Variants in DLC1 observed in about 807,000 individuals in gnomAD.
The protein encoded by DLC1 is DLC1 Rho GTPase activating protein.
In DLC1, 54 loss-of-function variants were observed where a neutral mutation model predicts 140.3. The observed-to-expected ratio is 0.38, with a 90% confidence interval of 0.31 to 0.48. The LOEUF (loss-of-function observed/expected upper bound fraction) is 0.48. Ranked by LOEUF, DLC1 falls within the 20% of genes least tolerant of loss-of-function variation. The pLI is 0.96. For synonymous variants in DLC1, 986 were observed against 728.1 expected, an observed-to-expected ratio of 1.35 and a Z score of -5.70; for missense variants, 2,536 against 1,907.0, an observed-to-expected ratio of 1.33 and a Z score of -6.14.
chr8:13,580,502 TAGC>T (rs563868877), intron 1 of DLC1, among the ~76,000 whole-genome samples: 327 of 152,104 alleles, frequency 2.1e-3, no homozygotes, highest in Non-Finnish European at 3.6e-3. Flanking sequence ...CACAGACAGT[TAGC>T]AGGCAAAGCA....
chr8:13,486,167 C>A (rs567363136), intron 2 of DLC1, among the ~76,000 whole-genome samples: 1 of 151,978 alleles, frequency 6.6e-6, no homozygotes, highest in Non-Finnish European at 1.5e-5. Context: ...ACAGAATAAC[C>A]GAATGAAATG....
At chr8:13,179,926 G>A (rs934260618) in intron 5 of DLC1, among the ~76,000 whole-genome samples, 1 of 152,158 alleles carries the variant, frequency 6.6e-6, no homozygotes, top group African/African-American at 2.4e-5. Context: ...GGGAATACTT[G>A]AGGCATTGCT....
chr8:13,461,174 C>A (rs1301452879), intron 2 of DLC1, among the ~76,000 whole-genome samples: 2 of 152,242 alleles, frequency 1.3e-5, no homozygotes, highest in African/African-American at 2.4e-5. Context: ...GGTGCGAGTG[C>A]ACCCCAGCCT....
intron 3 of DLC1, among the ~76,000 whole-genome samples, chr8:13,400,340 A>G (rs910246527): frequency 2.0e-5 from 3 of 152,204 alleles, no homozygotes; most frequent in Non-Finnish European, 4.4e-5. Flanking sequence ...GCCATTAGTT[A>G]GGAAATAACA....
intron 2 of DLC1, among the ~76,000 whole-genome samples, chr8:13,486,229 G>A (rs979281250): frequency 1.3e-5 from 2 of 152,066 alleles, no homozygotes; most frequent in African/African-American, 4.8e-5. Context: ...CTAGAAACCA[G>A]GAGAAACGTA....
chr8:13,535,605 C>T (rs1803249345), intron 1 of DLC1, among the ~76,000 whole-genome samples: 1 of 142,742 alleles, frequency 7.0e-6, no homozygotes. Context: ...ACCCATCTGT[C>T]TTCTGAAACT....
At chr8:13,347,129 T>G (rs1163100185) in intron 4 of DLC1, among the ~76,000 whole-genome samples, 1 of 152,244 alleles carries the variant, frequency 6.6e-6, no homozygotes, top group African/African-American at 2.4e-5. Context: ...ATCCGTAGTT[T>G]CAGGCACCCA....
chr8:13,188,827 G>GTATATATATATATATATATATATGTA (rs1563149780), intron 5 of DLC1, among the ~76,000 whole-genome samples: 73 of 28,600 alleles, frequency 2.6e-3, no homozygotes, highest in Non-Finnish European at 4.7e-3. Context: ...ATATATATAT[G>GTATATATATATATATATATATATGTA]TATATATATA....
At chr8:13,187,476 T>C (rs894435192) in intron 5 of DLC1, among the ~76,000 whole-genome samples, 2 of 152,106 alleles carry the variant, frequency 1.3e-5, no homozygotes, top group African/African-American at 4.8e-5. Flanking sequence ...AAATGCTAGG[T>C]GGTCATAAAT....
intron 5 of DLC1, among the ~76,000 whole-genome samples, chr8:13,144,184 C>T (rs771429417): frequency 2.0e-5 from 3 of 152,200 alleles, no homozygotes; most frequent in Non-Finnish European, 4.4e-5. Flanking sequence ...AGATAGAACA[C>T]AAGACAGAGG....
At chr8:13,526,353 C>T (rs1408281849) in intron 1 of DLC1, among the ~76,000 whole-genome samples, 1 of 152,082 alleles carries the variant, frequency 6.6e-6, no homozygotes, top group East Asian at 1.9e-4. Flanking sequence ...GTAAAAAAGA[C>T]TGTTGGGATT....
chr8:13,294,968 T>C (rs1831892932), intron 5 of DLC1, among the ~76,000 whole-genome samples: 1 of 152,200 alleles, frequency 6.6e-6, no homozygotes, highest in Admixed American at 6.5e-5. Flanking sequence ...TAAATTCTTG[T>C]TATTATTACC....
intron 1 of DLC1, among the ~76,000 whole-genome samples, chr8:13,556,749 C>T (rs540528229): frequency 3.7e-4 from 56 of 152,246 alleles, no homozygotes; most frequent in African/African-American, 2.4e-4. Flanking sequence ...ATACACAGTG[C>T]GAAAGTGGGA....
Position 13,306,583 on chromosome 8 carries a change from T to TGA in DLC1, c.1315-1283_1315-1282dup, listed in dbSNP as rs58220489. On this transcript the variant is annotated intron_variant, in intron 4 of 17. Coordinates refer to ENST00000276297, the MANE Select transcript of DLC1 (RefSeq NM_182643.3). ...TTGTGTGTGTGTGTGTGTGTGTGTG[T>TGA]GAGAGAGAGAGAGAGAGAGGCCCAA... Among the ~76,000 whole-genome samples, 43 of 121,026 alleles carry TGA rather than the reference T, an allele frequency of 3.6e-4. No homozygotes were observed. In the East Asian group the frequency reaches 4.2e-3, roughly 12 times the overall value. 79.4% of individuals were successfully genotyped at this position (121,026 alleles called of 152,430 possible). A position where few individuals can be genotyped will look rare whatever the true frequency, so the allele number is the denominator to read the frequency against.
At chr8:13,149,838 G>C (rs1205029109) in intron 5 of DLC1, among the ~76,000 whole-genome samples, 2 of 152,194 alleles carry the variant, frequency 1.3e-5, no homozygotes, top group African/African-American at 4.8e-5. Context: ...AACAGCTCCT[G>C]GGGGCGTCAG....
At chr8:13,329,584 A>T (rs1313712663) in intron 4 of DLC1, among the ~76,000 whole-genome samples, 1 of 152,158 alleles carries the variant, frequency 6.6e-6, no homozygotes, top group Non-Finnish European at 1.5e-5. Context: ...ACTTTTTTCT[A>T]CTAAATTTTG....
At chr8:13,427,372 C>T (rs370925701) in intron 2 of DLC1, among the ~76,000 whole-genome samples, 3 of 152,178 alleles carry the variant, frequency 2.0e-5, no homozygotes, top group Admixed American at 2.0e-4. Flanking sequence ...TGAGGCTCCC[C>T]CTAGTCTCCA....
intron 3 of DLC1, among the ~76,000 whole-genome samples, chr8:13,400,458 T>A (rs1299196332): frequency 1.3e-5 from 2 of 152,216 alleles, no homozygotes; most frequent in African/African-American, 4.8e-5. Flanking sequence ...ACTACAAAGT[T>A]CATAATGTTA....
At chr8:13,288,015 A>T (rs118045325) in intron 5 of DLC1, among the ~76,000 whole-genome samples, 4,799 of 152,144 alleles carry the variant, frequency 0.032, 106 homozygotes, top group South Asian at 0.058. Flanking sequence ...AGATTGTGTC[A>T]CTTGTTATGT....
Sources: allele counts gnomAD v4.1 joint callset (sites outside exome capture counted in the v4.1 genomes callset), GRCh38; gene constraint gnomAD v4.1.1; transcripts MANE v1.5; gene names NCBI Gene and HGNC (gene_info 2026-07-23, HGNC 2026-07-21).